Variants in SLC35F4 observed in about 807,000 individuals in gnomAD.
The protein encoded by SLC35F4 is chromosome 14 open reading frame 36.
SLC35F4 carries 24 observed loss-of-function variants against 44.2 expected under a neutral mutation model. The ratio of observed to expected loss-of-function variants is 0.54; its 90% CI spans 0.39 to 0.76. The LOEUF (loss-of-function observed/expected upper bound fraction) is 0.76, where lower values mean the gene tolerates loss of function less well. Ranked by LOEUF, SLC35F4 falls within the 30% of genes least tolerant of loss-of-function variation. SLC35F4 has a pLI of 0.00. For missense variants in SLC35F4, 562 were observed against 586.1 expected (o/e 0.96, Z 0.42); for synonymous variants, 238 against 223.6 (o/e 1.06, Z -0.57).
chr14:57,690,341 A>T (rs1167977153), intron 1 of SLC35F4, among the ~76,000 whole-genome samples: 2 of 152,190 alleles, frequency 1.3e-5, no homozygotes, highest in Non-Finnish European at 2.9e-5. Flanking sequence ...TAAATAAGCA[A>T]AAAGAGCACT....
chr14:57,735,624 C>A (rs954446255), intron 1 of SLC35F4, among the ~76,000 whole-genome samples: 2 of 152,142 alleles, frequency 1.3e-5, no homozygotes, highest in South Asian at 2.1e-4. Context: ...GTAAAAAGTA[C>A]AATGTTCCTC....
intron 1 of SLC35F4, among the ~76,000 whole-genome samples, chr14:57,631,593 G>A (rs1196280148): frequency 6.6e-6 from 1 of 152,004 alleles, no homozygotes; most frequent in Non-Finnish European, 1.5e-5. Context: ...TCAGGCCTCA[G>A]TTTATTTAAT....
At chr14:57,964,006 G>A (rs1164020251) in intron 1 of SLC35F4, among the ~76,000 whole-genome samples, 1 of 152,088 alleles carries the variant, frequency 6.6e-6, no homozygotes, top group African/African-American at 2.4e-5. Flanking sequence ...ACAGGCATGA[G>A]CCACCATGCC....
At chr14:57,670,462 G>A (rs543926728) in intron 1 of SLC35F4, among the ~76,000 whole-genome samples, 1 of 151,686 alleles carries the variant, frequency 6.6e-6, no homozygotes, top group African/African-American at 2.4e-5. Context: ...TTCTCTTGTG[G>A]GCATTTAGTG....
chr14:57,767,860 T>C (rs928443102), intron 1 of SLC35F4, among the ~76,000 whole-genome samples: 1 of 152,054 alleles, frequency 6.6e-6, no homozygotes, highest in Non-Finnish European at 1.5e-5. Flanking sequence ...ATTAAAAGAA[T>C]AGTAAGGGAA....
intron 1 of SLC35F4, among the ~76,000 whole-genome samples, chr14:57,597,790 G>A (rs192288711): frequency 1.8e-4 from 28 of 152,244 alleles, no homozygotes; most frequent in African/African-American, 5.8e-4. Flanking sequence ...ATATTAAGAC[G>A]ATCAGCTCTA....
chr14:57,930,329 G>C (rs577406506), intron 1 of SLC35F4, among the ~76,000 whole-genome samples: 1 of 152,260 alleles, frequency 6.6e-6, no homozygotes, highest in East Asian at 1.9e-4. Flanking sequence ...GGGGATGCTT[G>C]GCATCTTCTG....
intron 1 of SLC35F4, among the ~76,000 whole-genome samples, chr14:57,601,468 C>T (rs2070821596): frequency 6.6e-6 from 1 of 152,152 alleles, no homozygotes; most frequent in African/African-American, 2.4e-5. Flanking sequence ...TTTCCCCCCT[C>T]CTCCCTCTAG....
chr14:57,951,651 T>G (rs1479292595), intron 1 of SLC35F4, among the ~76,000 whole-genome samples: 1 of 152,126 alleles, frequency 6.6e-6, no homozygotes, highest in Non-Finnish European at 1.5e-5. Flanking sequence ...CCCCTCACAG[T>G]GTAAACAAAG....
At chr14:57,591,706 C>A (rs1193838509) in intron 2 of SLC35F4, among the ~76,000 whole-genome samples, 2 of 152,216 alleles carry the variant, frequency 1.3e-5, no homozygotes, top group Non-Finnish European at 2.9e-5. Flanking sequence ...CTGCAAGTTT[C>A]AGACTAGTTT....
intron 3 of SLC35F4, among the ~76,000 whole-genome samples, chr14:57,584,591 T>G (rs1315898352): frequency 9.9e-5 from 15 of 152,158 alleles, no homozygotes; most frequent in African/African-American, 3.4e-4. Flanking sequence ...TGCTTGACAA[T>G]AAAAGCTCTG....
intron 1 of SLC35F4, among the ~76,000 whole-genome samples, chr14:57,822,901 C>T (rs961859569): frequency 1.3e-5 from 2 of 152,136 alleles, no homozygotes; most frequent in Non-Finnish European, 2.9e-5. Flanking sequence ...GGCCTGATCT[C>T]TTCTGTATCT....
intron 1 of SLC35F4, among the ~76,000 whole-genome samples, chr14:57,652,330 C>CG (rs2073811967): frequency 6.6e-6 from 1 of 152,178 alleles, no homozygotes; most frequent in Non-Finnish European, 1.5e-5. Context: ...TTGGCTCCTC[C>CG]AGTTTCCCTA....
chr14:57,777,843 G>A (rs1213093335), intron 1 of SLC35F4, among the ~76,000 whole-genome samples: 1 of 150,222 alleles, frequency 6.7e-6, no homozygotes, highest in South Asian at 2.1e-4. Flanking sequence ...CCAATGGTAT[G>A]CCATCTTCCA....
At chr14:57,867,490 G>A (rs971852484), upstream of SLC35F4, among the ~76,000 whole-genome samples, 2 of 152,006 alleles carry the variant, frequency 1.3e-5, no homozygotes, top group Non-Finnish European at 2.9e-5. Context: ...TAGGAAAGAT[G>A]GAAGGGTGGA....
chr14:57,633,619 C>T (rs963718639), intron 1 of SLC35F4, among the ~76,000 whole-genome samples: 1 of 152,058 alleles, frequency 6.6e-6, no homozygotes, highest in Non-Finnish European at 1.5e-5. Flanking sequence ...ATTTGTGTAA[C>T]CACCACCATA....
intron 1 of SLC35F4, among the ~76,000 whole-genome samples, chr14:57,957,670 G>A (rs1280990665): frequency 2.0e-5 from 3 of 152,080 alleles, no homozygotes; most frequent in African/African-American, 4.8e-5. Context: ...ACAACCAGAG[G>A]ATAGAGGCAG....
chr14:57,879,575 C>T (rs746304628), intron 1 of SLC35F4, among the ~76,000 whole-genome samples: 23 of 152,156 alleles, frequency 1.5e-4, no homozygotes, highest in Non-Finnish European at 2.5e-4. Flanking sequence ...CTTTGCTGCT[C>T]CTTTTGCCTG....
At chr14:57,823,998 A>G (rs1883453857) in intron 1 of SLC35F4, among the ~76,000 whole-genome samples, 1 of 152,164 alleles carries the variant, frequency 6.6e-6, no homozygotes, top group Non-Finnish European at 1.5e-5. Flanking sequence ...CTAATTTTAT[A>G]TCATATTCCC....
Sources: allele counts gnomAD v4.1 joint callset (sites outside exome capture counted in the v4.1 genomes callset), GRCh38; gene constraint gnomAD v4.1.1; transcripts MANE v1.5; gene names NCBI Gene and HGNC (gene_info 2026-07-23, HGNC 2026-07-21).